The following TBC1D5 variants were observed in gnomAD, a reference collection of about 807,000 sequenced individuals.
The protein encoded by TBC1D5 is TBC1 domain family member 5.
In TBC1D5, 75 loss-of-function variants were observed where a neutral mutation model predicts 100.3. The ratio of observed to expected loss-of-function variants is 0.75; its 90% CI spans 0.62 to 0.91. The LOEUF (loss-of-function observed/expected upper bound fraction) is 0.91. Ranked by LOEUF, TBC1D5 falls within the 40% of genes least tolerant of loss-of-function variation. TBC1D5 has a pLI of 0.00. For synonymous variants in TBC1D5, 323 were observed against 325.6 expected, an observed-to-expected ratio of 0.99 and a Z score of 0.09; for missense variants, 910 against 942.4, an observed-to-expected ratio of 0.97 and a Z score of 0.45.
At chr3:17,380,039 CTGTGTATGTGTGTGTGTGTGTGTG>C (rs1251042992) in intron 9 of TBC1D5, among the ~76,000 whole-genome samples, 1,612 of 100,126 alleles carry the variant, frequency 0.016, 30 homozygotes, top group African/African-American at 0.049. Context: ...ACAGCTGTGA[CTGTGTATGTGTGTGTGTGTGTGTG>C]TGTGTGTGTG....
At chr3:17,552,920 T>C (rs1216777346) in intron 2 of TBC1D5, among the ~76,000 whole-genome samples, 2 of 152,154 alleles carry the variant, frequency 1.3e-5, no homozygotes, top group Non-Finnish European at 2.9e-5. Context: ...TAGTATATCC[T>C]AACGCATAAC....
intron 8 of TBC1D5, among the ~76,000 whole-genome samples, chr3:17,394,026 A>G (rs769957663): frequency 3.3e-5 from 5 of 152,154 alleles, no homozygotes; most frequent in Non-Finnish European, 7.4e-5. Context: ...CTATCATCAG[A>G]GTGAACAGGC....
intron 1 of TBC1D5, among the ~76,000 whole-genome samples, chr3:17,645,404 A>C (rs2064927496): frequency 6.6e-6 from 1 of 152,152 alleles, no homozygotes; most frequent in South Asian, 2.1e-4. Context: ...TTGAAAATTT[A>C]GCAAGATGCC....
intron 1 of TBC1D5, among the ~76,000 whole-genome samples, chr3:17,693,075 C>T (rs2071409984): frequency 6.6e-6 from 1 of 152,220 alleles, no homozygotes; most frequent in Non-Finnish European, 1.5e-5. Flanking sequence ...AGATGTGAAC[C>T]CTTGACCTTG....
intron 13 of TBC1D5, among the ~76,000 whole-genome samples, chr3:17,371,150 A>G (rs1354759465): frequency 6.6e-6 from 1 of 152,066 alleles, no homozygotes; most frequent in Non-Finnish European, 1.5e-5. Context: ...GACATGTTAC[A>G]GAAGTTATGT....
chr3:17,374,567 G>A, intron 11 of TBC1D5, 27 bp from the exon 12 acceptor site: 1 of 1,609,768 alleles, frequency 6.2e-7, no homozygotes, highest in Non-Finnish European at 8.5e-7. Flanking sequence ...ACAATGCTAT[G>A]TAACTTTCAT....
chr3:17,387,365 A>C (rs1224433722), intron 8 of TBC1D5, among the ~76,000 whole-genome samples: 1 of 146,796 alleles, frequency 6.8e-6, no homozygotes, highest in Non-Finnish European at 1.5e-5. Context: ...ATCAGTTATA[A>C]ATTAATCTGA....
chr3:17,241,205 C>T lies in TBC1D5; in HGVS notation c.1332-2786G>A, dbSNP rs575202937. 2.6e-5 allele frequency among the ~76,000 whole-genome samples: 4 copies of T among 152,218 alleles called. No homozygotes were observed. The South Asian group carries it at 8.3e-4, about 32-fold the overall frequency. On this transcript the variant is annotated intron_variant, in intron 16 of 21. Coordinates refer to ENST00000253692, the Ensembl canonical transcript of TBC1D5. ...ATAACAGTTTTTATACCAAAGTTATCTAATTTAGAACTGAAATATGAGCAG... is the reference window on the plus strand; with the variant it reads ...ATAACAGTTTTTATACCAAAGTTATTTAATTTAGAACTGAAATATGAGCAG...
At chr3:17,335,935 G>C (rs553166199) in intron 13 of TBC1D5, among the ~76,000 whole-genome samples, 1 of 152,008 alleles carries the variant, frequency 6.6e-6, no homozygotes, top group Non-Finnish European at 1.5e-5. Flanking sequence ...TTCTTTCCTT[G>C]TTTTCTATGA....
At chr3:17,416,274 A>C (rs546621300) in intron 4 of TBC1D5, among the ~76,000 whole-genome samples, 99 of 152,340 alleles carry the variant, frequency 6.5e-4, no homozygotes, top group African/African-American at 2.3e-3. Flanking sequence ...CTGACTCCCC[A>C]ATATGGTAAG....
intron 3 of TBC1D5, among the ~76,000 whole-genome samples, chr3:17,481,883 G>A (rs1159383873): frequency 6.6e-6 from 1 of 152,162 alleles, no homozygotes; most frequent in Non-Finnish European, 1.5e-5. Flanking sequence ...TGGGATTACA[G>A]GCATGTGCCA....
At chr3:17,654,883 T>C (rs550956325) in intron 1 of TBC1D5, among the ~76,000 whole-genome samples, 4 of 152,280 alleles carry the variant, frequency 2.6e-5, no homozygotes, top group African/African-American at 9.6e-5. Context: ...CCTGGTTTAG[T>C]CTTGGGAGGG....
At chr3:17,431,618 T>G (rs116107029) in intron 3 of TBC1D5, among the ~76,000 whole-genome samples, 42 of 152,170 alleles carry the variant, frequency 2.8e-4, no homozygotes, top group African/African-American at 9.9e-4. Context: ...CATTCATTTC[T>G]CATTAATTGG....
intron 3 of TBC1D5, among the ~76,000 whole-genome samples, chr3:17,497,869 C>T (rs2095734572): frequency 6.6e-6 from 1 of 152,010 alleles, no homozygotes; most frequent in Non-Finnish European, 1.5e-5. Context: ...GTAGATAAAT[C>T]AAAGCTAGTT....
At chr3:17,680,982 A>G (rs533271999) in intron 1 of TBC1D5, among the ~76,000 whole-genome samples, 5 of 151,682 alleles carry the variant, frequency 3.3e-5, no homozygotes, top group Admixed American at 2.0e-4. Context: ...ACATCAGTGC[A>G]GGGACCCAAA....
At chr3:17,588,777 C>T (rs1173934893) in intron 2 of TBC1D5, among the ~76,000 whole-genome samples, 1 of 152,164 alleles carries the variant, frequency 6.6e-6, no homozygotes, top group Non-Finnish European at 1.5e-5. Flanking sequence ...TTCATAAATA[C>T]ACTTCAATCT....
intron 18 of TBC1D5, among the ~76,000 whole-genome samples, chr3:17,200,087 T>C (rs1293688799): frequency 6.6e-6 from 1 of 152,206 alleles, no homozygotes; most frequent in Non-Finnish European, 1.5e-5. Context: ...TCTTATTCTT[T>C]TCTCTCTTTT....
chr3:17,709,924 C>T (rs551088849), intron 1 of TBC1D5, among the ~76,000 whole-genome samples: 41 of 152,166 alleles, frequency 2.7e-4, no homozygotes, highest in African/African-American at 8.9e-4. Context: ...GGCACTACAC[C>T]CCACGGCCAA....
chr3:17,693,775 T>A (rs902319615), intron 1 of TBC1D5, among the ~76,000 whole-genome samples: 12 of 152,170 alleles, frequency 7.9e-5, no homozygotes, highest in Non-Finnish European at 1.5e-4. Context: ...ATGGACTGCC[T>A]CCTCAATTGG....
Sources: gnomAD v4.1 joint callset for allele counts (sites outside exome capture counted in the v4.1 genomes callset) on GRCh38, gnomAD v4.1.1 for gene constraint, MANE v1.5 for transcripts, NCBI Gene and HGNC (gene_info 2026-07-23, HGNC 2026-07-21) for gene names.